Variants in CRB1 observed in about 807,000 individuals in gnomAD.
CRB1 encodes protein crumbs homolog 1.
CRB1 carries 83 observed loss-of-function variants against 120.0 expected under a neutral mutation model. The observed-to-expected ratio is 0.69, with a 90% CI of 0.58 to 0.83. The LOEUF (loss-of-function observed/expected upper bound fraction) is 0.83. Ranked by LOEUF, CRB1 falls within the 40% of genes least tolerant of loss-of-function variation. The pLI, the probability that CRB1 is intolerant of heterozygous loss-of-function variation, is 0.00. For synonymous variants in CRB1, 625 were observed against 612.5 expected, an observed-to-expected ratio of 1.02 and a Z score of -0.30; for missense variants, 1,699 against 1,687.6, an observed-to-expected ratio of 1.01 and a Z score of -0.12.
At chr1:197,367,872 G>A (rs1330481321) in intron 5 of CRB1, among the ~76,000 whole-genome samples, 1 of 152,136 alleles carries the variant, frequency 6.6e-6, no homozygotes, top group African/African-American at 2.4e-5. Context: ...CAAACCTCGG[G>A]CAAAAATATC....
chr1:197,408,496 C>A (rs935851770), intron 5 of CRB1, among the ~76,000 whole-genome samples: 7 of 151,966 alleles, frequency 4.6e-5, no homozygotes, highest in Non-Finnish European at 7.4e-5. Flanking sequence ...CTTACCAGGT[C>A]AATAATATAC....
upstream of CRB1, among the ~76,000 whole-genome samples, chr1:197,264,119 C>G (rs476505): frequency 6.6e-6 from 1 of 152,234 alleles, no homozygotes; most frequent in Non-Finnish European, 1.5e-5. Flanking sequence ...TCATCTATCC[C>G]TCCTCCAACT....
At chr1:197,215,574 C>T in the CRB1 span, among the ~76,000 whole-genome samples, 2 of 152,128 alleles carry the variant, frequency 1.3e-5, no homozygotes, top group African/African-American at 2.4e-5. Flanking sequence ...CTGTGCCCGG[C>T]GGGAGGTAAT....
chr1:197,218,469 A>G, the CRB1 span, among the ~76,000 whole-genome samples: 1 of 152,144 alleles, frequency 6.6e-6, no homozygotes, highest in Non-Finnish European at 1.5e-5. Flanking sequence ...TATATTTTTA[A>G]ATTTTCCTGG....
the CRB1 span, among the ~76,000 whole-genome samples, chr1:197,234,371 A>G: frequency 2.0e-5 from 3 of 152,222 alleles, no homozygotes; most frequent in Admixed American, 6.5e-5. Flanking sequence ...GAGGACACTC[A>G]GGTATCACTG....
intron 2 of CRB1, among the ~76,000 whole-genome samples, chr1:197,334,943 G>T (rs1430447763): frequency 1.3e-5 from 2 of 152,152 alleles, no homozygotes; most frequent in Non-Finnish European, 2.9e-5. Flanking sequence ...AGGTTAGAGG[G>T]TAATAACTGC....
intron 8 of CRB1, among the ~76,000 whole-genome samples, chr1:197,431,509 C>A (rs1664870029): frequency 6.6e-6 from 1 of 152,022 alleles, no homozygotes; most frequent in Non-Finnish European, 1.5e-5. Context: ...GATAGAAATA[C>A]TAAAGTTGTT....
intron 5 of CRB1, chr1:197,357,812 T>C (rs539639389): frequency 6.6e-6 from 1 of 152,406 alleles, no homozygotes; most frequent in East Asian, 1.9e-4. Context: ...TCTCTTTCAA[T>C]GTTTCAGTTT....
intron 11 of CRB1, among the ~76,000 whole-genome samples, chr1:197,450,878 T>G (rs1405246586): frequency 2.4e-5 from 3 of 125,388 alleles, no homozygotes; most frequent in Non-Finnish European, 4.7e-5. Flanking sequence ...GAGAATGGCG[T>G]GAACCCGGGG....
the CRB1 span, among the ~76,000 whole-genome samples, chr1:197,228,420 A>G: frequency 6.6e-6 from 1 of 152,172 alleles, no homozygotes; most frequent in Non-Finnish European, 1.5e-5. Context: ...AAGTTCCACA[A>G]ATCTCTAGGG....
chr1:197,328,699 G>C lies in CRB1; in HGVS notation c.348G>C (p.Lys116Asn). 1.9e-6 allele frequency: 3 copies of C among 1,613,284 alleles called. No individual in the cohort carries two copies. Among genetic ancestry groups the C allele is most frequent in the Non-Finnish European group, 2.5e-6 (3 of 1,179,306 alleles). Reference protein sequence around the residue: ...ICETTIGSCGKNSCQHGGICH... With the variant: ...ICETTIGSCGNNSCQHGGICH... ...AAACTACCATTGGTTCCTGTGGCAA[G>C]AACTCCTGCCAACATGGAGGTATTT... The change falls in exon 2 of 12, where the codon AAG (lysine) becomes AAC (asparagine). Residue 116 changes from lysine to asparagine, a missense_variant. Physicochemically the swap from Lys to Asn is moderately conservative, Grantham distance 94. Coordinates refer to ENST00000367400, the MANE Select transcript of CRB1 (RefSeq NM_201253.3).
the CRB1 span, among the ~76,000 whole-genome samples, chr1:197,258,324 G>A: frequency 6.6e-6 from 1 of 151,456 alleles, no homozygotes; most frequent in Non-Finnish European, 1.5e-5. Context: ...AAAATACTTG[G>A]CCATAAATCC....
chr1:197,299,947 T>A (rs189616297), intron 1 of CRB1, among the ~76,000 whole-genome samples: 1 of 151,920 alleles, frequency 6.6e-6, no homozygotes, highest in East Asian at 1.9e-4. Flanking sequence ...TTTTTCAGTA[T>A]TTTGTTACAT....
At chr1:197,277,836 C>A (rs544114484) in intron 1 of CRB1, among the ~76,000 whole-genome samples, 2 of 151,828 alleles carry the variant, frequency 1.3e-5, no homozygotes, top group East Asian at 3.9e-4. Flanking sequence ...ATCTAATTAC[C>A]ACGTTTTTTC....
At chr1:197,295,482 C>T (rs140433474) in intron 1 of CRB1, among the ~76,000 whole-genome samples, 18 of 151,988 alleles carry the variant, frequency 1.2e-4, no homozygotes, top group Middle Eastern at 6.8e-3. Context: ...ATATAGATTC[C>T]GCAAGTAAAA....
chr1:197,472,033 T>C (rs1193018922), intron 11 of CRB1, among the ~76,000 whole-genome samples: 1 of 152,218 alleles, frequency 6.6e-6, no homozygotes, highest in African/African-American at 2.4e-5. Context: ...AAAGACACAA[T>C]GTGTTTAAAA....
intron 11 of CRB1, among the ~76,000 whole-genome samples, chr1:197,450,967 AAAAAAAAAAAAAAAG>A (rs1665942970): frequency 6.7e-6 from 1 of 149,766 alleles, no homozygotes; most frequent in African/African-American, 2.4e-5. Context: ...CAAAAAAAAA[AAAAAAAAAAAAAAAG>A]AAAGCATAAA....
intron 11 of CRB1, among the ~76,000 whole-genome samples, chr1:197,476,339 T>C (rs1667193089): frequency 6.6e-6 from 1 of 151,446 alleles, no homozygotes; most frequent in Admixed American, 6.6e-5. Flanking sequence ...TCATAACACC[T>C]ATCTGTAATG....
chr1:197,404,185 T>C (rs1368345588), intron 5 of CRB1, among the ~76,000 whole-genome samples: 2 of 152,214 alleles, frequency 1.3e-5, no homozygotes, highest in African/African-American at 4.8e-5. Context: ...AGACTAGCTC[T>C]GTAAAGCAAC....
Sources: gnomAD v4.1 joint callset for allele counts (sites outside exome capture counted in the v4.1 genomes callset) on GRCh38, gnomAD v4.1.1 for gene constraint, MANE v1.5 for transcripts, NCBI Gene and HGNC (gene_info 2026-07-23, HGNC 2026-07-21) for gene names.